TEX11: variants seen among roughly 807,000 people sequenced by gnomAD.
The protein encoded by TEX11 is testis-expressed protein 11.
In TEX11, 7 loss-of-function variants were observed where a neutral mutation model predicts 84.4. That is an observed-to-expected ratio of 0.08 (90% CI 0.05 to 0.16). The LOEUF (loss-of-function observed/expected upper bound fraction) is 0.16, where lower values mean the gene tolerates loss of function less well. TEX11 is among the 10% of genes least tolerant of loss of function. TEX11 has a pLI of 1.00. For synonymous variants in TEX11, 264 were observed against 222.8 expected (o/e 1.18, Z -1.64); for missense variants, 551 against 660.5 (o/e 0.83, Z 1.82).
At chrX:70,660,774 G>A (rs184808638) in intron 16 of TEX11, among the ~76,000 whole-genome samples, 125 of 112,442 alleles carry the variant, frequency 1.1e-3, no homozygotes, top group African/African-American at 3.7e-3. Flanking sequence ...GGTGGCTCAC[G>A]CCTGTAATCC....
intron 13 of TEX11, among the ~76,000 whole-genome samples, chrX:70,696,210 T>C (rs2090278826): frequency 9.0e-6 from 1 of 111,667 alleles, no homozygotes; most frequent in African/African-American, 3.3e-5. Flanking sequence ...GCCATATTCA[T>C]ATGTATCCTT....
chrX:70,891,457 C>T (rs1302240069), intron 2 of TEX11, among the ~76,000 whole-genome samples: 2 of 111,031 alleles, frequency 1.8e-5, no homozygotes, highest in Non-Finnish European at 3.8e-5. Flanking sequence ...GATGTTCAAA[C>T]CCATCGCAAG....
chrX:70,605,612 T>C (rs2089187402), intron 23 of TEX11, 95 bp from the exon 24 acceptor site: 2 of 562,416 alleles, frequency 3.6e-6, no homozygotes, highest in Non-Finnish European at 5.9e-6. Flanking sequence ...CCTGTTTGAA[T>C]GAGAAAATTC....
At chrX:70,622,772 A>G (rs181564860) in intron 20 of TEX11, among the ~76,000 whole-genome samples, 8 of 111,757 alleles carry the variant, frequency 7.2e-5, no homozygotes, top group Admixed American at 4.8e-4. Flanking sequence ...CTCATCATCA[A>G]TCTTATCTCC....
rs143644139 is a variant in TEX11 at position 70,554,699 on chromosome X, C to G, written c.2242G>C (p.Val748Leu). The stretch of plus-strand genomic sequence containing the variant: ...GTTTCTAAATGAGGCAACTCCCACA[C>G]TGATTCCAGGAAGCTTTCCAGTAAT... ...DPLLESFLES[V>L]WELPHLETKT... Residue 748 changes from valine (V) to leucine (L), a missense_variant, in exon 26 of 30, where the codon GTG (valine) becomes CTG (leucine). Physicochemically the swap from Val to Leu is conservative, Grantham distance 32. Coordinates refer to ENST00000374333, the MANE Select transcript of TEX11 (RefSeq NM_031276.3). The G allele has an allele frequency of 7.5e-6, 9 of 1,207,626 alleles. No individual in the cohort carries two copies. Among genetic ancestry groups the G allele is most frequent in the Non-Finnish European group, 1.0e-5 (9 of 894,081 alleles).
At position 70,678,576 on chromosome X, in the gene TEX11, T is replaced by A. The variant is rs779363141; in HGVS notation, c.1242+228A>T. ...TTATATCTTAATATCAGCGATGACA[T>A]TTCCCTACACTGTAAGCTCTCAATG... On this transcript the variant is annotated intron_variant, in intron 15 of 29. Coordinates refer to ENST00000374333, the MANE Select transcript of TEX11 (RefSeq NM_031276.3). Among the ~76,000 whole-genome samples, 5 of 110,910 alleles carry A rather than the reference T, an allele frequency of 4.5e-5. No homozygotes were observed. In the East Asian group the frequency reaches 1.1e-3, roughly 25 times the overall value.
chrX:70,897,371 C>T (rs1172691438), intron 2 of TEX11: 1 of 104,422 alleles, frequency 9.6e-6, no homozygotes, highest in African/African-American at 3.5e-5. Context: ...GCAGGCAGAT[C>T]ACGAGGTCAG....
chrX:70,652,453 A>G (rs1332001937), intron 16 of TEX11, among the ~76,000 whole-genome samples: 1 of 111,945 alleles, frequency 8.9e-6, no homozygotes, highest in Non-Finnish European at 1.9e-5. Context: ...ATTATGAAAA[A>G]CTGGTTATAA....
At chrX:70,750,346 A>C (rs981680502) in intron 9 of TEX11, among the ~76,000 whole-genome samples, 1 of 111,798 alleles carries the variant, frequency 8.9e-6, no homozygotes, top group African/African-American at 3.3e-5. Flanking sequence ...TAGTTCAACC[A>C]TTGTGGAAGT....
intron 11 of TEX11, among the ~76,000 whole-genome samples, chrX:70,731,369 G>GT (rs1281004692): frequency 9.1e-6 from 1 of 110,148 alleles, no homozygotes; most frequent in African/African-American, 3.3e-5. Flanking sequence ...CCAGGAGCTG[G>GT]TTTTTTGAAA....
intron 25 of TEX11, among the ~76,000 whole-genome samples, chrX:70,567,621 T>C (rs1389190209): frequency 1.8e-5 from 2 of 111,672 alleles, no homozygotes; most frequent in African/African-American, 6.5e-5. Flanking sequence ...TTCTCGTTGG[T>C]TTCAAAGAAC....
chrX:70,817,250 T>TACAC (rs1341574531), intron 8 of TEX11, among the ~76,000 whole-genome samples: 5,036 of 91,141 alleles, frequency 0.055, 115 homozygotes, highest in East Asian at 0.081. Flanking sequence ...CACACATATA[T>TACAC]ATATACACAC....
the TEX11 span, among the ~76,000 whole-genome samples, chrX:70,523,572 TC>T: frequency 2.7e-5 from 3 of 110,675 alleles, no homozygotes. Flanking sequence ...CACACCATTC[TC>T]CTGCCTCAGC....
At chrX:70,602,879 A>C in intron 24 of TEX11, among the ~76,000 whole-genome samples, 1 of 73,027 alleles carries the variant, frequency 1.4e-5, no homozygotes, top group Non-Finnish European at 2.6e-5. Flanking sequence ...TCAATGTACA[A>C]AAATCAGAAG....
At chrX:70,547,741 A>G (rs1397756196) in intron 28 of TEX11, among the ~76,000 whole-genome samples, 9 of 112,055 alleles carry the variant, frequency 8.0e-5, no homozygotes, top group Non-Finnish European at 1.5e-4. Context: ...ACCAGTTAGA[A>G]TGGCGATCAT....
chrX:70,760,954 T>C (rs1445069621), intron 9 of TEX11, among the ~76,000 whole-genome samples: 2 of 112,004 alleles, frequency 1.8e-5, no homozygotes, highest in Admixed American at 9.5e-5. Context: ...GCAAAGGATA[T>C]GAACAGACAC....
At chrX:70,826,291 A>G (rs1343709427) in intron 8 of TEX11, among the ~76,000 whole-genome samples, 1 of 108,271 alleles carries the variant, frequency 9.2e-6, no homozygotes. Context: ...AGCCTGGGCA[A>G]CAAGAGCGAA....
At chrX:70,589,878 A>G (rs1031417640) in intron 25 of TEX11, among the ~76,000 whole-genome samples, 4 of 112,104 alleles carry the variant, frequency 3.6e-5, no homozygotes, top group African/African-American at 1.3e-4. Flanking sequence ...TAGCACTTTA[A>G]ATTCTACTAT....
In TEX11 at chrX:70,872,923, T is replaced by C. The variant is rs6525439; in HGVS notation, c.244+300A>G. On this transcript the variant is annotated intron_variant, in intron 4 of 29. Transcript: ENST00000374333. ...CTCCATGAGAAATAATCCATGTCCT[T>C]TAACATTTCTTTAAGTTCTCACTGT... 0.095 allele frequency among the ~76,000 whole-genome samples: 10,585 copies of C among 111,578 alleles called. 639 individuals are homozygous for C. The highest frequency in any genetic ancestry group is 0.29 in the Admixed American group (2,993 of 10,381).
Sources: allele counts gnomAD v4.1 joint callset (sites outside exome capture counted in the v4.1 genomes callset), GRCh38; gene constraint gnomAD v4.1.1; transcripts MANE v1.5; gene names NCBI Gene and HGNC (gene_info 2026-07-23, HGNC 2026-07-21).